Variants in ARPP19 observed in about 807,000 individuals in gnomAD.
ARPP19 encodes cAMP regulated phosphoprotein 19, also known as cAMP-regulated phosphoprotein 19.
ARPP19 carries 8 observed loss-of-function variants against 12.0 expected under a neutral mutation model. The ratio of observed to expected loss-of-function variants is 0.67; its 90% confidence interval spans 0.39 to 1.21. The LOEUF (loss-of-function observed/expected upper bound fraction) is 1.21, where lower values mean the gene tolerates loss of function less well. Among genes scored for constraint, ARPP19 ranks in the 50% most tolerant of loss-of-function variants. The pLI is 0.01. For missense variants in ARPP19, 102 were observed against 136.3 expected (o/e 0.75, Z 1.25); for synonymous variants, 47 against 50.4 (o/e 0.93, Z 0.29).
intron 1 of ARPP19, 175 bp from the exon 2 acceptor site, chr15:52,557,397 C>A: frequency 1.7e-6 from 1 of 577,196 alleles, no homozygotes. Context: ...TTCAAAAGAT[C>A]CATGTGATAG....
intron 1 of ARPP19, chr15:52,564,226 A>C: frequency 6.5e-7 from 1 of 1,534,852 alleles, no homozygotes. Flanking sequence ...GCAGAGACCA[A>C]GGGAGCATGT....
Position 52,563,661 on chromosome 15 carries a change from A to G in ARPP19, c.45+5187T>C, listed in dbSNP as rs141833504. Reference sequence around the variant, plus strand: ...GCAGAATTATGTCTCAATGACTGATACCACTTTTCAGCCTTCGGCAGAGGA... The same window carrying G: ...GCAGAATTATGTCTCAATGACTGATGCCACTTTTCAGCCTTCGGCAGAGGA... On this transcript the variant is annotated intron_variant, in intron 1 of 2. Transcript: ENST00000249822. Among the ~76,000 whole-genome samples, 62 of 152,356 alleles carry G rather than the reference A, an allele frequency of 4.1e-4. 1 individual carries two copies. Among genetic ancestry groups the G allele is most frequent in the African/African-American group, 1.3e-3 (52 of 41,582 alleles).
chr15:52,550,545 G>C lies in ARPP19; in HGVS notation c.*1389C>G, dbSNP rs184434867. 6.6e-6 allele frequency: 1 copy of C among 152,218 alleles called. No homozygotes were observed. The highest frequency in any genetic ancestry group is 1.9e-4 in the East Asian group (1 of 5,184). The allele number at this position is 152,218 out of a possible 1,614,324, so 9.4% of individuals were successfully genotyped here. A position where few individuals can be genotyped will look rare whatever the true frequency, so the allele number is the denominator to read the frequency against. ...ATCAAGAATAGTTAACTTGAGCCTAGGAGTAAGGTTGCAGTGAGCTGTGAT... is the reference window on the plus strand; with the variant it reads ...ATCAAGAATAGTTAACTTGAGCCTACGAGTAAGGTTGCAGTGAGCTGTGAT... On this transcript the variant is annotated 3_prime_UTR_variant, in exon 3 of 3. Coordinates refer to ENST00000249822, the MANE Select transcript of ARPP19 (RefSeq NM_006628.6).
intron 1 of ARPP19, among the ~76,000 whole-genome samples, chr15:52,562,659 C>A (rs1376896191): frequency 6.6e-6 from 1 of 151,920 alleles, no homozygotes; most frequent in Non-Finnish European, 1.5e-5. Flanking sequence ...AAACCCTACA[C>A]ATACCAAAAC....
chr15:52,547,769 AAT>A lies in ARPP19; in HGVS notation c.*4163_*4164del, dbSNP rs1231707400. ...GTTGGGAATGTGGCTCAAATTAGTCAATATTGATTAGGATATTGTTTTAGAAA... is the reference window on the plus strand; with the variant it reads ...GTTGGGAATGTGGCTCAAATTAGTCAATTGATTAGGATATTGTTTTAGAAA... On this transcript the variant is annotated 3_prime_UTR_variant, in exon 3 of 3. Coordinates refer to ENST00000249822, the MANE Select transcript of ARPP19 (RefSeq NM_006628.6). 1 of 152,228 alleles carries A rather than the reference AAT, an allele frequency of 6.6e-6. No individual in the cohort carries two copies. The highest frequency in any genetic ancestry group is 2.4e-5 in the African/African-American group (1 of 41,452). 9.4% of individuals were successfully genotyped at this position (152,228 alleles called of 1,614,324 possible). A position where few individuals can be genotyped will look rare whatever the true frequency, so the allele number is the denominator to read the frequency against.
At chr15:52,569,213 G>C (rs937505675), upstream of ARPP19, 9 of 380,394 alleles carry the variant, frequency 2.4e-5, no homozygotes, top group Non-Finnish European at 3.8e-5. Context: ...TGTGGCTGCC[G>C]AGTGCTTCCT....
In ARPP19 at chr15:52,554,295, AT is replaced by A. The variant is rs1296446361; in HGVS notation, c.169-2192del. 5.9e-5 allele frequency among the ~76,000 whole-genome samples: 9 copies of A among 152,092 alleles called. No homozygotes were observed. In the South Asian group the frequency reaches 6.2e-4, roughly 11 times the overall value. On this transcript the variant is annotated intron_variant, in intron 2 of 2. Transcript: ENST00000249822. ...ACTCTGCTTGGGGGAAAGGAATTAA[AT>A]TTAGTGTGACTAGAGATAAAACTAA... is the stretch of plus-strand genomic sequence containing the variant.
At chr15:52,554,479 G>A (rs2077963895) in intron 2 of ARPP19, among the ~76,000 whole-genome samples, 1 of 152,098 alleles carries the variant, frequency 6.6e-6, no homozygotes, top group Non-Finnish European at 1.5e-5. Context: ...GGGATCCACA[G>A]ATAACAACGA....
At position 52,552,821 on chromosome 15, in the gene ARPP19, G is replaced by C. The variant is rs976857874; in HGVS notation, c.169-717C>G. ...ATGGTGGCTCATGCCTGTAATCCCA[G>C]CACTTTGGGAGGCCGAGTTGGGTGG... On this transcript the variant is annotated intron_variant, in intron 2 of 2. Transcript: ENST00000249822. 2.0e-5 allele frequency among the ~76,000 whole-genome samples: 3 copies of C among 152,046 alleles called. No individual in the cohort carries two copies. The South Asian group carries it at 6.2e-4, about 32-fold the overall frequency.
intron 1 of ARPP19, among the ~76,000 whole-genome samples, chr15:52,562,796 AG>A (rs775442896): frequency 1.3e-5 from 2 of 152,136 alleles, no homozygotes; most frequent in Non-Finnish European, 2.9e-5. Context: ...AGAAATAAAA[AG>A]CAGAAATTAA....
chr15:52,556,049 C>A (rs1282307982), intron 2 of ARPP19, among the ~76,000 whole-genome samples: 4 of 151,856 alleles, frequency 2.6e-5, no homozygotes, highest in Admixed American at 2.6e-4. Context: ...AGTTTTACAT[C>A]TTCATAAATT....
intron 1 of ARPP19, among the ~76,000 whole-genome samples, chr15:52,562,420 G>C (rs1430111440): frequency 6.6e-6 from 1 of 151,782 alleles, no homozygotes; most frequent in African/African-American, 2.4e-5. Flanking sequence ...AATAATTCCT[G>C]GTTAAAAAAG....
intron 1 of ARPP19, 86 bp downstream of exon 1, chr15:52,568,762 G>T: frequency 3.2e-6 from 3 of 948,088 alleles, no homozygotes; most frequent in South Asian, 3.7e-5. Flanking sequence ...CCCGCATCTC[G>T]GGCGCGGCCC....
At chr15:52,561,943 T>C (rs891108072) in intron 1 of ARPP19, among the ~76,000 whole-genome samples, 7 of 148,168 alleles carry the variant, frequency 4.7e-5, no homozygotes, top group Non-Finnish European at 8.9e-5. Flanking sequence ...ACTTTTTTTT[T>C]TTTTTTTTTT....
upstream of ARPP19, among the ~76,000 whole-genome samples, chr15:52,569,417 C>T (rs570240668): frequency 1.2e-3 from 188 of 152,360 alleles, no homozygotes; most frequent in Admixed American, 1.7e-3. Flanking sequence ...CTCTGCCACG[C>T]CTTCACATCT....
intron 1 of ARPP19, among the ~76,000 whole-genome samples, chr15:52,562,746 T>C (rs2078046155): frequency 6.6e-6 from 1 of 151,686 alleles, no homozygotes; most frequent in Admixed American, 6.6e-5. Context: ...ATGCATCCAA[T>C]TTAAGAAGTT....
intron 1 of ARPP19, among the ~76,000 whole-genome samples, chr15:52,558,482 A>AAG (rs1555393233): frequency 1.3e-5 from 2 of 148,976 alleles, no homozygotes; most frequent in Non-Finnish European, 3.0e-5. Context: ...AAAAAAAAAA[A>AAG]AAAGAAAGAA....
At chr15:52,569,079 A>T (rs1181706871), upstream of ARPP19, 18 of 565,024 alleles carry the variant, frequency 3.2e-5, 1 homozygote, top group Non-Finnish European at 5.6e-5. Context: ...CGCACGCCGG[A>T]GCCCGCCTGC....
At position 52,551,820 on chromosome 15, in the gene ARPP19, T is replaced by C. The variant is rs2077934216; in HGVS notation, c.*114A>G. On this transcript the variant is annotated 3_prime_UTR_variant, in exon 3 of 3. Coordinates refer to ENST00000249822, the MANE Select transcript of ARPP19 (RefSeq NM_006628.6). ...AATAGCAGCACACACTACTGCTACCTGCAAAGCTGTCAGTCTCAAATGACT... is the reference window on the plus strand; with the variant it reads ...AATAGCAGCACACACTACTGCTACCCGCAAAGCTGTCAGTCTCAAATGACT... 1 of 808,462 alleles carries C rather than the reference T, an allele frequency of 1.2e-6. No individual in the cohort carries two copies. Among genetic ancestry groups the C allele is most frequent in the Non-Finnish European group, 2.0e-6 (1 of 490,330 alleles). 50.1% of individuals were successfully genotyped at this position (808,462 alleles called of 1,614,324 possible). A position where few individuals can be genotyped will look rare whatever the true frequency, so the allele number is the denominator to read the frequency against.
Sources: allele counts gnomAD v4.1 joint callset (sites outside exome capture counted in the v4.1 genomes callset), GRCh38; gene constraint gnomAD v4.1.1; transcripts MANE v1.5; gene names NCBI Gene and HGNC (gene_info 2026-07-23, HGNC 2026-07-21).